Variants in FKTN observed in about 807,000 individuals in gnomAD.
FKTN encodes fukutin.
In FKTN, 47 loss-of-function variants were observed where a neutral mutation model predicts 58.6. The observed-to-expected ratio is 0.80, with a 90% confidence interval of 0.63 to 1.02. FKTN has a LOEUF of 1.02. FKTN is among the 50% of genes least tolerant of loss of function. The pLI is 0.00. For synonymous variants in FKTN, 178 were observed against 191.9 expected, an observed-to-expected ratio of 0.93 and a Z score of 0.60; for missense variants, 516 against 537.3, an observed-to-expected ratio of 0.96 and a Z score of 0.39.
Position 105,619,931 on chromosome 9 carries a change from T to C in FKTN, c.1045-3T>C, listed in dbSNP as rs762343906. Reference sequence around the variant, plus strand: ...TGTGTGAAGGTTTTCATCTTCCCCATAGGTAGAAGACAGCTTGGAACTATC... The same window carrying C: ...TGTGTGAAGGTTTTCATCTTCCCCACAGGTAGAAGACAGCTTGGAACTATC... On this transcript the variant is annotated splice_region_variant and splice_polypyrimidine_tract_variant and intron_variant, in intron 9 of 10. Transcript: ENST00000357998. 6 of 1,611,120 alleles carry C rather than the reference T, an allele frequency of 3.7e-6. No homozygotes were observed. The East Asian group carries it at 1.3e-4, about 36-fold the overall frequency.
intron 7 of FKTN, among the ~76,000 whole-genome samples, chr9:105,610,510 G>A (rs917044307): frequency 1.3e-5 from 2 of 151,958 alleles, no homozygotes; most frequent in East Asian, 3.8e-4. Context: ...CAGTCTCCCT[G>A]TATGTAACCT....
At chr9:105,598,903 A>G (rs1827304711) in intron 4 of FKTN, among the ~76,000 whole-genome samples, 1 of 150,950 alleles carries the variant, frequency 6.6e-6, no homozygotes, top group South Asian at 2.1e-4. Context: ...TTTTCCTAGT[A>G]TAAAGCACAG....
intron 3 of FKTN, among the ~76,000 whole-genome samples, chr9:105,584,439 A>G (rs936021907): frequency 2.6e-5 from 4 of 152,034 alleles, no homozygotes; most frequent in African/African-American, 9.7e-5. Flanking sequence ...TATTCATACT[A>G]GATTCTTGTT....
chr9:105,616,344 A>G (rs1193498423), intron 8 of FKTN, among the ~76,000 whole-genome samples: 2 of 152,184 alleles, frequency 1.3e-5, no homozygotes, highest in East Asian at 1.9e-4. Flanking sequence ...CATTGCACCA[A>G]ATGTTTCTAC....
chr9:105,607,742 C>A, intron 6 of FKTN, 77 bp from the exon 7 acceptor site: 2 of 1,281,812 alleles, frequency 1.6e-6, no homozygotes, highest in Non-Finnish European at 2.3e-6. Context: ...GCTCTGCACG[C>A]ATTAGGTATT....
At chr9:105,588,080 T>A (rs1213401441) in intron 3 of FKTN, among the ~76,000 whole-genome samples, 1 of 152,230 alleles carries the variant, frequency 6.6e-6, no homozygotes, top group Non-Finnish European at 1.5e-5. Context: ...TAATTAATGA[T>A]CATGCTGAAT....
chr9:105,597,465 T>C (rs759645877), intron 4 of FKTN, among the ~76,000 whole-genome samples: 9 of 152,194 alleles, frequency 5.9e-5, no homozygotes, highest in Non-Finnish European at 1.0e-4. Flanking sequence ...ATGTAAACTT[T>C]TAATTTATTA....
At chr9:105,620,775 A>AG (rs1831746429) in intron 10 of FKTN, among the ~76,000 whole-genome samples, 1 of 145,394 alleles carries the variant, frequency 6.9e-6, no homozygotes, top group Non-Finnish European at 1.5e-5. Context: ...TAATACTACT[A>AG]TAGTAGTAGT....
rs1039530512 is a variant in FKTN at position 105,566,970 on chromosome 9, A to G, written c.-180-6685A>G. ...CCATGATCAAGTGGGCTTCATCCCC[A>G]GGATGCAAGGCTGGTTCAACATACA... On this transcript the variant is annotated intron_variant, in intron 1 of 10. Transcript: ENST00000357998. Among the ~76,000 whole-genome samples, 10 of 152,292 alleles carry G rather than the reference A, an allele frequency of 6.6e-5. No homozygotes were observed. In the East Asian group the frequency reaches 9.6e-4, roughly 15 times the overall value.
chr9:105,564,717 G>A (rs1217180823), intron 1 of FKTN, among the ~76,000 whole-genome samples: 3 of 152,298 alleles, frequency 2.0e-5, no homozygotes, highest in South Asian at 2.1e-4. Flanking sequence ...AAGTTGGAAA[G>A]TACTTTGCAG....
chr9:105,583,806 A>G (rs1181981549), intron 3 of FKTN, among the ~76,000 whole-genome samples: 1 of 152,150 alleles, frequency 6.6e-6, no homozygotes, highest in African/African-American at 2.4e-5. Context: ...ATTTTTGTCT[A>G]TTTAATGTTT....
chr9:105,636,703 T>C lies in FKTN; in HGVS notation c.*1439T>C. On this transcript the variant is annotated 3_prime_UTR_variant, in exon 11 of 11. Coordinates refer to ENST00000357998, the MANE Select transcript of FKTN (RefSeq NM_001079802.2). Reference sequence around the variant, plus strand: ...GAAGCTGAATCTTATATCTTATCTATGCTATTTAGGACTACTTTCTGGAGC... The same window carrying C: ...GAAGCTGAATCTTATATCTTATCTACGCTATTTAGGACTACTTTCTGGAGC... 7.7e-7 allele frequency: 1 copy of C among 1,294,572 alleles called. No individual in the cohort carries two copies. Among genetic ancestry groups the C allele is most frequent in the Middle Eastern group, 2.2e-4 (1 of 4,646 alleles). 80.2% of individuals were successfully genotyped at this position (1,294,572 alleles called of 1,614,324 possible). A position where few individuals can be genotyped will look rare whatever the true frequency, so the allele number is the denominator to read the frequency against.
intron 3 of FKTN, among the ~76,000 whole-genome samples, chr9:105,579,176 T>C (rs965781154): frequency 2.0e-5 from 3 of 152,230 alleles, no homozygotes; most frequent in Non-Finnish European, 4.4e-5. Context: ...GCAGTTCTGC[T>C]CTGATCTTAG....
intron 3 of FKTN, among the ~76,000 whole-genome samples, chr9:105,594,516 G>T (rs1478883068): frequency 6.6e-6 from 1 of 152,214 alleles, no homozygotes; most frequent in East Asian, 1.9e-4. Flanking sequence ...CCAGCACTTT[G>T]GGAGGCGGAA....
chr9:105,637,876 C>T lies in FKTN; in HGVS notation c.*2612C>T, dbSNP rs1834150638. 1.0e-6 allele frequency: 1 copy of T among 985,222 alleles called. No homozygotes were observed. The highest frequency in any genetic ancestry group is 1.7e-5 in the African/African-American group (1 of 57,212). 61.0% of individuals were successfully genotyped at this position (985,222 alleles called of 1,614,324 possible). On this transcript the variant is annotated 3_prime_UTR_variant, in exon 11 of 11. Coordinates refer to ENST00000357998, the MANE Select transcript of FKTN (RefSeq NM_001079802.2). ...TGATATCTGGCCCCTGGAATAAAAC[C>T]ATAGTTCCTAAAATTGAGCATCCCT...
chr9:105,634,174 C>T (rs777521512), intron 10 of FKTN, among the ~76,000 whole-genome samples: 2 of 151,930 alleles, frequency 1.3e-5, no homozygotes, highest in Admixed American at 6.6e-5. Flanking sequence ...CTGTGTCACC[C>T]GGGCTGGAGT....
chr9:105,574,255 A>G (rs1841291354), intron 2 of FKTN: 1 of 152,072 alleles, frequency 6.6e-6, no homozygotes, highest in South Asian at 2.1e-4. Context: ...GTGTCAGTAT[A>G]TTTGAAGGAT....
Position 105,638,769 on chromosome 9 carries a change from A to C in FKTN, c.*3505A>C. 1.0e-6 allele frequency: 1 copy of C among 975,222 alleles called. No homozygotes were observed. The highest frequency in any genetic ancestry group is 1.2e-6 in the Non-Finnish European group (1 of 820,718). 60.4% of individuals were successfully genotyped at this position (975,222 alleles called of 1,614,324 possible). On this transcript the variant is annotated 3_prime_UTR_variant, in exon 11 of 11. Transcript: ENST00000357998. Reference sequence around the variant, plus strand: ...AAACTACTTTTAATTATTTATATTGATACTCTCTGATAAATGCAGGTAGTT... The same window carrying C: ...AAACTACTTTTAATTATTTATATTGCTACTCTCTGATAAATGCAGGTAGTT...
At chr9:105,580,105 C>G (rs1304305166) in intron 3 of FKTN, among the ~76,000 whole-genome samples, 2 of 151,904 alleles carry the variant, frequency 1.3e-5, no homozygotes, top group Non-Finnish European at 2.9e-5. Context: ...ACTGGTGGGT[C>G]TTGACTCTTT....
Sources: allele counts gnomAD v4.1 joint callset (sites outside exome capture counted in the v4.1 genomes callset), GRCh38; gene constraint gnomAD v4.1.1; transcripts MANE v1.5; gene names NCBI Gene and HGNC (gene_info 2026-07-23, HGNC 2026-07-21).